LATS2: variants seen among roughly 807,000 people sequenced by gnomAD.
LATS2 encodes serine/threonine-protein kinase LATS2.
Under a neutral mutation model 76.0 loss-of-function variants are expected in LATS2, and 24 were observed. The observed-to-expected ratio is 0.32, with a 90% CI of 0.23 to 0.44. The LOEUF (loss-of-function observed/expected upper bound fraction) is 0.44. Ranked by LOEUF, LATS2 falls within the 20% of genes least tolerant of loss-of-function variation. The probability of loss-of-function intolerance (pLI) is 1.00; values close to 1 mark genes in which losing one functional copy is unlikely to be tolerated. For synonymous variants in LATS2, 692 were observed against 635.4 expected, an observed-to-expected ratio of 1.09 and a Z score of -1.34; for missense variants, 1,286 against 1,481.2, an observed-to-expected ratio of 0.87 and a Z score of 2.16.
chr13:20,995,701 A>C (rs1178159604), intron 2 of LATS2, among the ~76,000 whole-genome samples: 9 of 152,204 alleles, frequency 5.9e-5, no homozygotes, highest in Admixed American at 5.9e-4. Flanking sequence ...GCACCAAGGC[A>C]CAGGCTAAAG....
At chr13:21,022,096 T>C (rs1872087719) in intron 2 of LATS2, among the ~76,000 whole-genome samples, 1 of 152,214 alleles carries the variant, frequency 6.6e-6, no homozygotes, top group Admixed American at 6.5e-5. Flanking sequence ...GGAGGAGCTC[T>C]GAAAAATACC....
intron 2 of LATS2, among the ~76,000 whole-genome samples, chr13:21,027,129 T>C (rs999953781): frequency 3.3e-5 from 5 of 151,794 alleles, no homozygotes; most frequent in African/African-American, 1.2e-4. Context: ...TTGTCAGATA[T>C]ATGTATCAGT....
chr13:21,024,489 G>A (rs1456600917), intron 2 of LATS2, among the ~76,000 whole-genome samples: 1 of 151,806 alleles, frequency 6.6e-6, no homozygotes, highest in Non-Finnish European at 1.5e-5. Context: ...TTTTAGGTTG[G>A]CTGGACTTTC....
intron 2 of LATS2, among the ~76,000 whole-genome samples, chr13:21,015,595 T>G (rs573582640): frequency 1.3e-5 from 2 of 152,366 alleles, no homozygotes; most frequent in African/African-American, 4.8e-5. Flanking sequence ...AGGTAGTTGT[T>G]TTAAATAGGA....
chr13:21,035,361 T>C (rs541144164), intron 2 of LATS2, among the ~76,000 whole-genome samples: 3 of 152,308 alleles, frequency 2.0e-5, no homozygotes, highest in African/African-American at 7.2e-5. Context: ...CTTGTTGGTT[T>C]TTCCCCTATT....
At chr13:21,036,458 C>T (rs1428744348) in intron 2 of LATS2, among the ~76,000 whole-genome samples, 2 of 152,100 alleles carry the variant, frequency 1.3e-5, no homozygotes, top group African/African-American at 2.4e-5. Context: ...TCTATTATCA[C>T]ACACATCCAT....
In LATS2 at chr13:20,979,658, C is replaced by T. The variant is rs780631250; in HGVS notation, c.2772+33G>A. On this transcript the variant is annotated intron_variant, in intron 7 of 7. Transcript: ENST00000382592. ...GGTACATGAGCAAATCAGATGTCTA[C>T]AGCAAGCAGATGCGTGGTTCCTCTC... 13 of 1,210,782 alleles carry T rather than the reference C, an allele frequency of 1.1e-5. No homozygotes were observed. In the South Asian group the frequency reaches 1.6e-4, roughly 15 times the overall value. The allele number at this position is 1,210,782 out of a possible 1,614,324, so 75.0% of individuals were successfully genotyped here.
intron 2 of LATS2, among the ~76,000 whole-genome samples, chr13:21,035,685 A>G (rs900267852): frequency 1.3e-5 from 2 of 152,240 alleles, no homozygotes; most frequent in Non-Finnish European, 2.9e-5. Flanking sequence ...TATTTTTCAC[A>G]TTATAGCCCA....
At chr13:21,004,103 T>C (rs1871161226) in intron 2 of LATS2, among the ~76,000 whole-genome samples, 1 of 152,130 alleles carries the variant, frequency 6.6e-6, no homozygotes, top group South Asian at 2.1e-4. Flanking sequence ...GAATATAACA[T>C]ACAAAAGAAT....
intron 7 of LATS2, among the ~76,000 whole-genome samples, chr13:20,978,064 C>T (rs1469739030): frequency 1.3e-5 from 2 of 151,946 alleles, no homozygotes; most frequent in Admixed American, 6.6e-5. Flanking sequence ...TACAGGCGCC[C>T]GCCCCCATGC....
Position 21,025,896 on chromosome 13 carries a change from T to C in LATS2, c.342+19789A>G, listed in dbSNP as rs113592791. 1.6e-3 allele frequency among the ~76,000 whole-genome samples: 240 copies of C among 152,310 alleles called. 1 individual carries two copies. Among genetic ancestry groups the C allele is most frequent in the African/African-American group, 5.2e-3 (217 of 41,580 alleles). Reference sequence around the variant, plus strand: ...GATTTTTTCACCAACCGTGACTCTCTGACTAGGACTAGATTAGGGACCCCT... The same window carrying C: ...GATTTTTTCACCAACCGTGACTCTCCGACTAGGACTAGATTAGGGACCCCT... On this transcript the variant is annotated intron_variant, in intron 2 of 7. Coordinates refer to ENST00000382592, the MANE Select transcript of LATS2 (RefSeq NM_014572.3).
rs985885356 is a variant in LATS2, at chr13:20,974,760, G to A, written c.*110C>T. On this transcript the variant is annotated 3_prime_UTR_variant, in exon 8 of 8. Coordinates refer to ENST00000382592, the MANE Select transcript of LATS2 (RefSeq NM_014572.3). ...CAGAATTTCAAGTGAAGTAATCGAC[G>A]GACTAATTTAAAACAAAACAGCCCT... 15 of 1,159,886 alleles carry A rather than the reference G, an allele frequency of 1.3e-5. 1 individual carries two copies. In the South Asian group the frequency reaches 1.6e-4, roughly 12 times the overall value. The allele number at this position is 1,159,886 out of a possible 1,614,324, so 71.8% of individuals were successfully genotyped here. A position where few individuals can be genotyped will look rare whatever the true frequency, so the allele number is the denominator to read the frequency against.
intron 2 of LATS2, among the ~76,000 whole-genome samples, chr13:21,029,231 G>A (rs1459686088): frequency 6.6e-6 from 1 of 152,224 alleles, no homozygotes; most frequent in Non-Finnish European, 1.5e-5. Flanking sequence ...CCCTCAGCAA[G>A]TTGAGGAAGT....
intron 3 of LATS2, among the ~76,000 whole-genome samples, chr13:20,990,789 G>T (rs1377388260): frequency 6.6e-6 from 1 of 152,118 alleles, no homozygotes; most frequent in Non-Finnish European, 1.5e-5. Context: ...CATCACAGGG[G>T]ATGCTGAGGG....
intron 1 of LATS2, among the ~76,000 whole-genome samples, chr13:21,058,299 G>A (rs1873511385): frequency 6.6e-6 from 1 of 152,104 alleles, no homozygotes; most frequent in Non-Finnish European, 1.5e-5. Flanking sequence ...AAATACAAAA[G>A]CAGCTTTTCG....
At chr13:20,983,906 C>A in intron 4 of LATS2, 100 bp from the exon 5 acceptor site, 1 of 874,346 alleles carries the variant, frequency 1.1e-6, no homozygotes, top group Non-Finnish European at 1.8e-6. Context: ...AGGAACCTAG[C>A]TCATTTTACA....
intron 2 of LATS2, among the ~76,000 whole-genome samples, chr13:20,998,393 G>T (rs1443243675): frequency 1.3e-5 from 2 of 152,004 alleles, no homozygotes; most frequent in African/African-American, 2.4e-5. Flanking sequence ...ATTAAATTAA[G>T]AAAAAACAAA....
intron 5 of LATS2, among the ~76,000 whole-genome samples, chr13:20,982,512 C>T (rs1018472423): frequency 3.3e-5 from 5 of 151,964 alleles, no homozygotes; most frequent in African/African-American, 2.4e-5. Context: ...GGTTTCTCCA[C>T]GTTGGTCAGG....
chr13:21,028,107 G>A (rs1335773562), intron 2 of LATS2, among the ~76,000 whole-genome samples: 1 of 151,854 alleles, frequency 6.6e-6, no homozygotes, highest in African/African-American at 2.4e-5. Flanking sequence ...AGTCCCCAGA[G>A]TGTGATGTTC....
Sources: gnomAD v4.1 joint callset for allele counts (sites outside exome capture counted in the v4.1 genomes callset) on GRCh38, gnomAD v4.1.1 for gene constraint, MANE v1.5 for transcripts, NCBI Gene and HGNC (gene_info 2026-07-23, HGNC 2026-07-21) for gene names.